Variants in XKR4 observed in about 807,000 individuals in gnomAD.
XKR4 encodes the protein XK-related protein 4.
A neutral mutation model predicts 53.9 loss-of-function variants in XKR4; 12 were observed. The ratio of observed to expected loss-of-function variants is 0.22; its 90% CI spans 0.14 to 0.36. The LOEUF (loss-of-function observed/expected upper bound fraction) is 0.36, where lower values mean the gene tolerates loss of function less well. XKR4 is among the 10% of genes least tolerant of loss of function. The pLI is 1.00. For missense variants in XKR4, 799 were observed against 859.5 expected (o/e 0.93, Z 0.88); for synonymous variants, 354 against 362.4 (o/e 0.98, Z 0.26).
chr8:55,540,103 T>A lies in XKR4; in HGVS notation c.*15876T>A, dbSNP rs1297415561. On this transcript the variant is annotated 3_prime_UTR_variant, in exon 3 of 3. Transcript: ENST00000327381. ...TCTTTTCAAGGCTTTCCAGACCACA[T>A]GGAACTCTCCAGAGCCCTCCTTGAA... is the stretch of plus-strand genomic sequence containing the variant. 6.6e-6 allele frequency: 1 copy of A among 152,214 alleles called. No individual in the cohort carries two copies. The highest frequency in any genetic ancestry group is 1.5e-5 in the Non-Finnish European group (1 of 68,034). 9.4% of individuals were successfully genotyped at this position (152,214 alleles called of 1,614,324 possible).
intron 2 of XKR4, among the ~76,000 whole-genome samples, chr8:55,413,697 A>T (rs1014970641): frequency 4.6e-5 from 7 of 152,202 alleles, no homozygotes; most frequent in African/African-American, 1.7e-4. Context: ...CTTGATGTGT[A>T]TAATAACCAG....
At chr8:55,504,033 T>A (rs993574909) in intron 2 of XKR4, among the ~76,000 whole-genome samples, 20 of 152,194 alleles carry the variant, frequency 1.3e-4, no homozygotes, top group African/African-American at 4.8e-4. Context: ...TCTTAAATCA[T>A]CCTTGTATTT....
intron 1 of XKR4, among the ~76,000 whole-genome samples, chr8:55,303,343 A>G (rs190646368): frequency 6.6e-6 from 1 of 152,304 alleles, no homozygotes; most frequent in African/African-American, 2.4e-5. Context: ...CCCAGGGATG[A>G]AGCCCACTTG....
chr8:55,498,815 T>A (rs111974609), intron 2 of XKR4, among the ~76,000 whole-genome samples: 3,999 of 152,026 alleles, frequency 0.026, 77 homozygotes, highest in South Asian at 0.076. Context: ...AGAGAGAAGC[T>A]CACTACTTTA....
intron 1 of XKR4, among the ~76,000 whole-genome samples, chr8:55,299,105 G>A (rs370550680): frequency 1.7e-4 from 26 of 152,130 alleles, no homozygotes; most frequent in East Asian, 3.9e-4. Flanking sequence ...TGTCTCTTTC[G>A]TTTTCGTCAG....
At chr8:55,325,928 T>A (rs1803285722) in intron 1 of XKR4, among the ~76,000 whole-genome samples, 1 of 152,230 alleles carries the variant, frequency 6.6e-6, no homozygotes, top group South Asian at 2.1e-4. Context: ...GAAAGGAAAC[T>A]GTTATATAAG....
chr8:55,497,866 C>T (rs1379478310), intron 2 of XKR4, among the ~76,000 whole-genome samples: 2 of 152,146 alleles, frequency 1.3e-5, no homozygotes, highest in Admixed American at 6.5e-5. Flanking sequence ...TCCCACCTCA[C>T]ACCGAGTGAA....
chr8:55,160,594 C>T (rs1816970420), intron 1 of XKR4, among the ~76,000 whole-genome samples: 1 of 152,218 alleles, frequency 6.6e-6, no homozygotes, highest in Non-Finnish European at 1.5e-5. Flanking sequence ...GCCTTCCTTA[C>T]TCCCTCAGAG....
intron 2 of XKR4, among the ~76,000 whole-genome samples, chr8:55,422,996 C>T (rs1034372939): frequency 6.6e-6 from 1 of 152,088 alleles, no homozygotes; most frequent in African/African-American, 2.4e-5. Context: ...GACATTAAGT[C>T]TAAGACAATG....
intron 1 of XKR4, among the ~76,000 whole-genome samples, chr8:55,299,773 G>A (rs148809856): frequency 6.6e-6 from 1 of 152,278 alleles, no homozygotes; most frequent in African/African-American, 2.4e-5. Context: ...CTCTAAGGCT[G>A]GAGGTGGGAT....
intron 1 of XKR4, among the ~76,000 whole-genome samples, chr8:55,336,882 C>T (rs551401291): frequency 1.3e-5 from 2 of 152,198 alleles, no homozygotes; most frequent in East Asian, 1.9e-4. Flanking sequence ...ATGCATCAGG[C>T]GCACACGAAC....
intron 2 of XKR4, chr8:55,449,421 G>A: frequency 4.4e-6 from 3 of 675,638 alleles, no homozygotes; most frequent in Non-Finnish European, 5.3e-6. Flanking sequence ...GGGCCGGGCC[G>A]GGGCTGTAAA....
intron 1 of XKR4, among the ~76,000 whole-genome samples, chr8:55,253,150 G>A (rs1818383780): frequency 6.6e-6 from 1 of 152,106 alleles, no homozygotes; most frequent in Non-Finnish European, 1.5e-5. Context: ...TGAAAATGGA[G>A]CATTTGGGTG....
At chr8:55,504,608 G>A (rs1313995977) in intron 2 of XKR4, among the ~76,000 whole-genome samples, 3 of 152,092 alleles carry the variant, frequency 2.0e-5, no homozygotes, top group African/African-American at 4.8e-5. Context: ...TCAGTATTTT[G>A]AGAGTATTTG....
At chr8:55,190,726 T>C (rs1817435116) in intron 1 of XKR4, among the ~76,000 whole-genome samples, 1 of 152,170 alleles carries the variant, frequency 6.6e-6, no homozygotes, top group Non-Finnish European at 1.5e-5. Flanking sequence ...CCATCACTTG[T>C]TTTAAAGTAT....
chr8:55,491,239 A>G (rs532376838), intron 2 of XKR4, among the ~76,000 whole-genome samples: 4 of 152,056 alleles, frequency 2.6e-5, no homozygotes, highest in Non-Finnish European at 5.9e-5. Context: ...TCATGAGCAC[A>G]TTTATAATAG....
intron 2 of XKR4, among the ~76,000 whole-genome samples, chr8:55,473,126 A>T (rs1241576644): frequency 6.6e-6 from 1 of 152,092 alleles, no homozygotes; most frequent in Non-Finnish European, 1.5e-5. Flanking sequence ...CCTGCCTCAT[A>T]CACTTTAGTG....
intron 1 of XKR4, among the ~76,000 whole-genome samples, chr8:55,299,191 C>G (rs1563318709): frequency 6.6e-6 from 1 of 152,146 alleles, no homozygotes; most frequent in East Asian, 1.9e-4. Flanking sequence ...TAGAGTGACT[C>G]TCAAGATGGA....
chr8:55,154,224 G>A (rs759714833), intron 1 of XKR4, among the ~76,000 whole-genome samples: 32 of 152,146 alleles, frequency 2.1e-4, no homozygotes, highest in Admixed American at 5.2e-4. Context: ...TTCAGGGGAT[G>A]CTTTTATTGT....
Sources: allele counts gnomAD v4.1 joint callset (sites outside exome capture counted in the v4.1 genomes callset), GRCh38; gene constraint gnomAD v4.1.1; transcripts MANE v1.5; gene names NCBI Gene and HGNC (gene_info 2026-07-23, HGNC 2026-07-21).